The following TRIM14 variants were observed in gnomAD, a reference collection of about 807,000 sequenced individuals.
The protein encoded by TRIM14 is tripartite motif containing 14.
In TRIM14, 28 loss-of-function variants were observed where a neutral mutation model predicts 44.5. That is an observed-to-expected ratio of 0.63 (90% CI 0.47 to 0.86). TRIM14 has a LOEUF of 0.86. TRIM14 is among the 40% of genes least tolerant of loss of function. The probability of loss-of-function intolerance (pLI) is 0.00; values close to 1 mark genes in which losing one functional copy is unlikely to be tolerated. For missense variants in TRIM14, 607 were observed against 611.1 expected (o/e 0.99, Z 0.07); for synonymous variants, 299 against 269.2 (o/e 1.11, Z -1.08).
In TRIM14 at chr9:98,087,673, C is replaced by T. The variant is rs1191169346; in HGVS notation, c.1126G>A (p.Asp376Asn). 1 of 1,602,394 alleles carries T rather than the reference C, an allele frequency of 6.2e-7. No individual in the cohort carries two copies. The highest frequency in any genetic ancestry group is 8.5e-7 in the Non-Finnish European group (1 of 1,178,606). ...RYDLEYWAFH[D>N]GQRSRLRPRD... is the part of the protein sequence containing the mutation. ...GGCCGCAGGCGGCTGCGCTGGCCGTCGTGGAAGGCCCAGTACTCAAGGTCG... is the reference window on the plus strand; with the variant it reads ...GGCCGCAGGCGGCTGCGCTGGCCGTTGTGGAAGGCCCAGTACTCAAGGTCG... The change falls in exon 6 of 6, where the codon GAC becomes AAC. Residue 376 changes from aspartate (D) to asparagine (N), a missense_variant. Coordinates refer to ENST00000341469, the MANE Select transcript of TRIM14 (RefSeq NM_014788.4).
chr9:98,108,533 A>G (rs1321185048), intron 2 of TRIM14, among the ~76,000 whole-genome samples: 1 of 152,070 alleles, frequency 6.6e-6, no homozygotes, highest in Non-Finnish European at 1.5e-5. Flanking sequence ...CCCTCAAACC[A>G]TATCTGCTCA....
rs1826618715 is a variant in TRIM14 at position 98,106,551 on chromosome 9, T to C, written c.303+3338A>G. Among the ~76,000 whole-genome samples, 3 of 152,358 alleles carry C rather than the reference T, an allele frequency of 2.0e-5. No individual in the cohort carries two copies. The South Asian group carries it at 6.2e-4, about 32-fold the overall frequency. ...CTAACTATAAATTTTTATACAAATATGTCTCAGGTTTAAAATGCTGACTAT... is the reference window on the plus strand; with the variant it reads ...CTAACTATAAATTTTTATACAAATACGTCTCAGGTTTAAAATGCTGACTAT... On this transcript the variant is annotated intron_variant, in intron 2 of 5. Coordinates refer to ENST00000341469, the MANE Select transcript of TRIM14 (RefSeq NM_014788.4).
Position 98,095,120 on chromosome 9 carries a change from G to T in TRIM14, c.538-91C>A. On this transcript the variant is annotated intron_variant, in intron 3 of 5. Coordinates refer to ENST00000341469, the MANE Select transcript of TRIM14 (RefSeq NM_014788.4). The surrounding 1 kb of genome is among the most constrained non-coding windows in gnomAD (Gnocchi z 4.1). ...TGCACCCAGGAACAAACCCACACCA[G>T]CATGCCCAGGCTCCACGTTGGCCTG... 1 of 1,469,686 alleles carries T rather than the reference G, an allele frequency of 6.8e-7. No homozygotes were observed. The highest frequency in any genetic ancestry group is 9.1e-7 in the Non-Finnish European group (1 of 1,103,854). The allele number at this position is 1,469,686 out of a possible 1,614,324, so 91.0% of individuals were successfully genotyped here. A position where few individuals can be genotyped will look rare whatever the true frequency, so the allele number is the denominator to read the frequency against.
downstream of TRIM14, among the ~76,000 whole-genome samples, chr9:98,066,653 ATTT>A (rs35815359): frequency 7.0e-6 from 1 of 143,486 alleles, no homozygotes; most frequent in Non-Finnish European, 1.5e-5. Context: ...CCACTTACCG[ATTT>A]TTTTTTTTTT....
At position 98,119,164 on chromosome 9, in the gene TRIM14, G is replaced by C. The variant is rs375310781; in HGVS notation, c.25C>G (p.Arg9Gly). 58 of 1,578,768 alleles carry C rather than the reference G, an allele frequency of 3.7e-5. No individual in the cohort carries two copies. In the East Asian group the frequency reaches 1.3e-3, roughly 36 times the overall value. Residue 9 changes from arginine to glycine, a missense_variant, in exon 1 of 6, where the codon CGG (arginine) becomes GGG (glycine). Arg to Gly is a moderately radical substitution (Grantham distance 125). Around this residue, in one of 3 missense-constraint regions of TRIM14, gnomAD observed 246 missense variants for 270.8 expected, o/e 0.91. Transcript: ENST00000341469. ...ACAAGCTCCGACCTCCCAGGGGTCCGGCTCCCGGTCGCCGCGCCCGCCATT... is the reference window on the plus strand; with the variant it reads ...ACAAGCTCCGACCTCCCAGGGGTCCCGCTCCCGGTCGCCGCGCCCGCCATT... Reference protein sequence around the residue: MAGAATGSRTPGRSELVEG... With the variant: MAGAATGSGTPGRSELVEG...
chr9:98,061,119 G>GGAGAGGC, the TRIM14 span: 1 of 927,854 alleles, frequency 1.1e-6, no homozygotes, highest in Admixed American at 2.3e-5. Context: ...CCCAGCTACT[G>GGAGAGGC]GAGAGGCTAG....
chr9:98,074,927 A>G (rs1829515570), intron 6 of TRIM14: 1 of 152,166 alleles, frequency 6.6e-6, no homozygotes, highest in African/African-American at 2.4e-5. Flanking sequence ...TTGAAAAAAT[A>G]TATTTAAAAC....
chr9:98,087,860 A>G lies in TRIM14; in HGVS notation c.939T>C (p.Ala313=). ...GGCGGCCGGTGGCGAAGCAGTCACG[A>G]GCCAGCACTTGCCAGAGCGCGTCGA... ...LRFDALWQVL[A]RDCFATGRHY... The change falls in exon 6 of 6, where the codon GCT becomes GCC. Residue 313 remains alanine, a synonymous_variant. Coordinates refer to ENST00000341469, the MANE Select transcript of TRIM14 (RefSeq NM_014788.4). The G allele has an allele frequency of 1.3e-6, 2 of 1,563,180 alleles. No homozygotes were observed. The highest frequency in any genetic ancestry group is 1.2e-5 in the South Asian group (1 of 86,508).
chr9:98,092,482 G>A (rs750422488), intron 4 of TRIM14: 6 of 403,736 alleles, frequency 1.5e-5, no homozygotes, highest in East Asian at 7.6e-5. Context: ...TATTGGGGCC[G>A]CAGCTCACTC....
At chr9:98,056,634 A>G in the TRIM14 span, 1 of 969,542 alleles carries the variant, frequency 1.0e-6, no homozygotes, top group Admixed American at 3.5e-5. Context: ...CCCCGCCCCG[A>G]TTGGCTGTCG....
intron 3 of TRIM14, among the ~76,000 whole-genome samples, chr9:98,099,359 G>C (rs1335332966): frequency 6.6e-6 from 1 of 151,556 alleles, no homozygotes; most frequent in African/African-American, 2.4e-5. Context: ...GGCTGAGCCA[G>C]GAGAACTGCT....
intron 1 of TRIM14, among the ~76,000 whole-genome samples, chr9:98,112,593 G>A (rs1325099794): frequency 6.6e-6 from 1 of 151,964 alleles, no homozygotes; most frequent in African/African-American, 2.4e-5. Flanking sequence ...GAAGTCAGGA[G>A]TTTGAGACCA....
At chr9:98,118,935 G>A (rs1336644944) in intron 1 of TRIM14, 47 bp downstream of exon 1, 3 of 1,450,802 alleles carry the variant, frequency 2.1e-6, no homozygotes, top group Non-Finnish European at 2.7e-6. Flanking sequence ...TGCCTGGGCT[G>A]GCTCCCCCAA....
Position 98,094,954 on chromosome 9 carries a change from A to G in TRIM14, c.613T>C (p.Phe205Leu). The G allele has an allele frequency of 1.2e-6, 2 of 1,614,170 alleles. No homozygotes were observed. The highest frequency in any genetic ancestry group is 1.7e-6 in the Non-Finnish European group (2 of 1,180,008). Residue 205 changes from phenylalanine (F) to leucine (L), a missense_variant, in exon 4 of 6, where the codon TTT (phenylalanine) becomes CTT (leucine). Phe to Leu is a conservative substitution (Grantham distance 22, BLOSUM62 0). Coordinates refer to ENST00000341469, the MANE Select transcript of TRIM14 (RefSeq NM_014788.4). The stretch of plus-strand genomic sequence containing the variant: ...TTAAAGAAGCTCTTGACGGGCTCAA[A>G]GGAGAGGGGCACGGGATGGCACAGC... The part of the protein sequence containing the change: ...GELCHPVPLS[F>L]EPVKSFFKGL...
At chr9:98,059,107 T>C in the TRIM14 span, among the ~76,000 whole-genome samples, 1 of 151,948 alleles carries the variant, frequency 6.6e-6, no homozygotes. Flanking sequence ...TACTGCAAGC[T>C]CCGCCTCCTG....
chr9:98,119,123 C>A lies in TRIM14; in HGVS notation c.66G>T (p.Trp22Cys). Residue 22 changes from tryptophan to cysteine, a missense_variant, in exon 1 of 6, where the codon TGG (tryptophan) becomes TGT (cysteine). Coordinates refer to ENST00000341469, the MANE Select transcript of TRIM14 (RefSeq NM_014788.4). ...GRSELVEGCG[W>C]RCPEHGDRVA... is the part of the protein sequence containing the mutation. ...CGCGGTCGCCATGCTCCGGGCAGCGCCAGCCGCATCCCTCGACAAGCTCCG... is the reference window on the plus strand; with the variant it reads ...CGCGGTCGCCATGCTCCGGGCAGCGACAGCCGCATCCCTCGACAAGCTCCG... 6.3e-7 allele frequency: 1 copy of A among 1,587,424 alleles called. No individual in the cohort carries two copies. Among genetic ancestry groups the A allele is most frequent in the Non-Finnish European group, 8.5e-7 (1 of 1,176,164 alleles).
chr9:98,111,058 C>CA (rs143743300), intron 1 of TRIM14, among the ~76,000 whole-genome samples: 1,719 of 140,458 alleles, frequency 0.012, 16 homozygotes, highest in Non-Finnish European at 0.015. Flanking sequence ...TCCCCCCCCC[C>CA]AAAAAAAAAC....
intron 6 of TRIM14, among the ~76,000 whole-genome samples, chr9:98,072,100 C>T (rs1385868298): frequency 6.6e-6 from 1 of 152,162 alleles, no homozygotes; most frequent in Non-Finnish European, 1.5e-5. Context: ...CTGAGCTCAG[C>T]TCCTGGTGCT....
At chr9:98,100,269 G>C in intron 2 of TRIM14, 105 bp from the exon 3 acceptor site, 1 of 1,014,978 alleles carries the variant, frequency 9.9e-7, no homozygotes. Context: ...GTTCAGTAAA[G>C]TGGCCAGTCA....
Sources: allele counts gnomAD v4.1 joint callset (sites outside exome capture counted in the v4.1 genomes callset), GRCh38; gene constraint gnomAD v4.1.1; regional missense constraint gnomAD v4.1.1; non-coding constraint Gnocchi (gnomAD v3.1); transcripts MANE v1.5; gene names NCBI Gene and HGNC (gene_info 2026-07-23, HGNC 2026-07-21).